Variants in PCDHGB2 observed in about 807,000 individuals in gnomAD.
The protein encoded by PCDHGB2 is protocadherin gamma subfamily B, 2.
In PCDHGB2, 55 loss-of-function variants were observed where a neutral mutation model predicts 59.3. The observed-to-expected ratio is 0.93, with a 90% CI of 0.75 to 1.16. The LOEUF (loss-of-function observed/expected upper bound fraction) is 1.16. Among genes scored for constraint, PCDHGB2 ranks in the 50% most tolerant of loss-of-function variants. The pLI is 0.00. For missense variants in PCDHGB2, 1,228 were observed against 1,198.5 expected (o/e 1.02, Z -0.36); for synonymous variants, 516 against 512.0 (o/e 1.01, Z -0.11).
In PCDHGB2 at chr5:141,361,275, A is replaced by G. The variant is rs1366836369; in HGVS notation, c.1140A>G (p.Gly380=). ...KTRDRDSGEN[G]EVYCQVLGNA... ...GAGACAGAGACTCTGGAGAAAATGGAGAAGTTTACTGCCAAGTGTTGGGAA... is the reference window on the plus strand; with the variant it reads ...GAGACAGAGACTCTGGAGAAAATGGGGAAGTTTACTGCCAAGTGTTGGGAA... Residue 380 remains glycine (G), a synonymous_variant, in exon 1 of 4, where the codon GGA becomes GGG. Coordinates refer to ENST00000522605, the MANE Select transcript of PCDHGB2 (RefSeq NM_018923.3). 3 of 1,613,976 alleles carry G rather than the reference A, an allele frequency of 1.9e-6. No individual in the cohort carries two copies. In the East Asian group the frequency reaches 6.7e-5, roughly 36 times the overall value.
At chr5:141,510,795 G>A in intron 3 of PCDHGB2, 152 bp from the exon 4 acceptor site, 6 of 1,465,214 alleles carry the variant, frequency 4.1e-6, no homozygotes, top group Non-Finnish European at 5.5e-6. Context: ...CTTGTGAAGA[G>A]AGACTACCTT....
intron 1 of PCDHGB2, among the ~76,000 whole-genome samples, chr5:141,436,290 T>C (rs2097808305): frequency 6.6e-6 from 1 of 152,164 alleles, no homozygotes; most frequent in Non-Finnish European, 1.5e-5. Flanking sequence ...GAACAAATCA[T>C]TGAGAGTTAG....
intron 1 of PCDHGB2, chr5:141,478,160 GC>G (rs764598056): frequency 1.9e-6 from 3 of 1,613,964 alleles, no homozygotes; most frequent in Non-Finnish European, 2.5e-6. Flanking sequence ...CTCTGGCTCT[GC>G]CCCCCGGGAG....
At chr5:141,405,708 C>T (rs1328051668) in intron 1 of PCDHGB2, among the ~76,000 whole-genome samples, 2 of 152,164 alleles carry the variant, frequency 1.3e-5, no homozygotes, top group African/African-American at 4.8e-5. Context: ...GAATTCCTAA[C>T]CTCAAGTGAT....
In PCDHGB2 at chr5:141,432,293, G is replaced by A; in HGVS notation, c.2422-62514G>A. On this transcript the variant is annotated intron_variant, in intron 1 of 3. Transcript: ENST00000522605. The surrounding 1 kb of genome is among the most constrained non-coding windows in gnomAD (Gnocchi z 6.0). ...CTACGTGTCCATCAACTCCGACACT[G>A]GGGTACTGTATGCGCTGAGCTCCTT... 1 of 1,614,254 alleles carries A rather than the reference G, an allele frequency of 6.2e-7. No homozygotes were observed. Among genetic ancestry groups the A allele is most frequent in the Non-Finnish European group, 8.5e-7 (1 of 1,180,040 alleles).
Position 141,485,113 on chromosome 5 carries a change from T to G in PCDHGB2, c.2422-9694T>G. On this transcript the variant is annotated intron_variant, in intron 1 of 3. Transcript: ENST00000522605. This position sits in a 1 kb window ranked among gnomAD's most constrained non-coding sequence, Gnocchi z 5.7. ...AGGTGTCTCCAGCTGCTGTGGCTGTTTGGGGCGGGTCGGCTTCATCCGCGT... is the reference window on the plus strand; with the variant it reads ...AGGTGTCTCCAGCTGCTGTGGCTGTGTGGGGCGGGTCGGCTTCATCCGCGT... 1 of 1,286,014 alleles carries G rather than the reference T, an allele frequency of 7.8e-7. No individual in the cohort carries two copies. Among genetic ancestry groups the G allele is most frequent in the Non-Finnish European group, 1.1e-6 (1 of 898,642 alleles). 79.7% of individuals were successfully genotyped at this position (1,286,014 alleles called of 1,614,324 possible). A position where few individuals can be genotyped will look rare whatever the true frequency, so the allele number is the denominator to read the frequency against.
Position 141,511,345 on chromosome 5 carries a change from TC to T in PCDHGB2, c.*179del, listed in dbSNP as rs535135679. On this transcript the variant is annotated 3_prime_UTR_variant, in exon 4 of 4. Coordinates refer to ENST00000522605, the MANE Select transcript of PCDHGB2 (RefSeq NM_018923.3). ...AAGTGCCCAGTCAGCACCTACCCCTTCCCCCCCAGGGGGTTGAATATGCAAA... is the reference window on the plus strand; with the variant it reads ...AAGTGCCCAGTCAGCACCTACCCCTTCCCCCCAGGGGGTTGAATATGCAAA... The T allele has an allele frequency of 2.2e-5, 31 of 1,410,342 alleles. No individual in the cohort carries two copies. Among genetic ancestry groups the T allele is most frequent in the South Asian group, 2.9e-5 (2 of 68,200 alleles). 87.4% of individuals were successfully genotyped at this position (1,410,342 alleles called of 1,614,324 possible). A position where few individuals can be genotyped will look rare whatever the true frequency, so the allele number is the denominator to read the frequency against.
intron 1 of PCDHGB2, chr5:141,422,319 TAC>T: frequency 6.5e-7 from 1 of 1,548,220 alleles, no homozygotes; most frequent in Admixed American, 2.1e-5. Flanking sequence ...CTCCTCCAGG[TAC>T]AGTGATTGCT....
intron 1 of PCDHGB2, chr5:141,388,157 C>T (rs750936402): frequency 1.4e-6 from 2 of 1,469,104 alleles, no homozygotes; most frequent in Non-Finnish European, 1.9e-6. Flanking sequence ...GCAGGCTAGA[C>T]AGGGAGGAGA....
intron 1 of PCDHGB2, chr5:141,409,276 G>T: frequency 6.2e-7 from 1 of 1,614,000 alleles, no homozygotes; most frequent in Non-Finnish European, 8.5e-7. Flanking sequence ...AGATTTTGGA[G>T]AATTCACCTC....
intron 1 of PCDHGB2, chr5:141,428,729 A>T (rs1362138016): frequency 6.3e-6 from 1 of 159,768 alleles, no homozygotes; most frequent in East Asian, 1.8e-4. Flanking sequence ...AATCTTAAAC[A>T]TATTATATCT....
At chr5:141,401,936 G>A (rs950687803) in intron 1 of PCDHGB2, among the ~76,000 whole-genome samples, 1 of 152,100 alleles carries the variant, frequency 6.6e-6, no homozygotes, top group African/African-American at 2.4e-5. Flanking sequence ...TTAGAATAAT[G>A]TTTAAGACCA....
intron 1 of PCDHGB2, chr5:141,419,964 T>A (rs151105903): frequency 1.2e-6 from 2 of 1,613,964 alleles, no homozygotes; most frequent in African/African-American, 2.7e-5. Context: ...ATTTCTGTGC[T>A]CTTTCTCCTC....
Position 141,400,401 on chromosome 5 carries a change from G to A in PCDHGB2, c.2421+37845G>A, listed in dbSNP as rs760681088. 4 of 1,613,936 alleles carry A rather than the reference G, an allele frequency of 2.5e-6. No homozygotes were observed. The South Asian group carries it at 4.4e-5, about 18-fold the overall frequency. ...TATGTGTTGCACATACAGGAAAGAC[G>A]GAGTTTAATTTCCTAAAATGTAGTG... On this transcript the variant is annotated intron_variant, in intron 1 of 3. Transcript: ENST00000522605.
chr5:141,428,594 G>A (rs1317075888), intron 1 of PCDHGB2: 4 of 227,916 alleles, frequency 1.8e-5, no homozygotes, highest in African/African-American at 9.1e-5. Context: ...CTGGTAGCAA[G>A]CTTCACTGAA....
Position 141,476,757 on chromosome 5 carries a change from T to C in PCDHGB2, c.2422-18050T>C. On this transcript the variant is annotated intron_variant, in intron 1 of 3. Coordinates refer to ENST00000522605, the MANE Select transcript of PCDHGB2 (RefSeq NM_018923.3). This position sits in a 1 kb window ranked among gnomAD's most constrained non-coding sequence, Gnocchi z 7.6. ...CGGGAGCCTAGTCTCCAGTTAGTGC[T>C]GACGGCGTTGGACGGAGGGACCCCA... 1.2e-6 allele frequency: 2 copies of C among 1,613,906 alleles called. No individual in the cohort carries two copies. The highest frequency in any genetic ancestry group is 1.7e-6 in the Non-Finnish European group (2 of 1,180,004).
chr5:141,374,832 G>C, intron 1 of PCDHGB2: 13 of 1,613,908 alleles, frequency 8.1e-6, no homozygotes, highest in Non-Finnish European at 1.1e-5. Context: ...TACCGTGTAA[G>C]TGTTCCTGAA....
chr5:141,439,065 C>T (rs571768018), intron 1 of PCDHGB2, among the ~76,000 whole-genome samples: 13 of 151,628 alleles, frequency 8.6e-5, no homozygotes, highest in East Asian at 7.9e-4. Flanking sequence ...GTGTGGCAGG[C>T]GCCTGTAATC....
At chr5:141,406,043 A>G (rs1346440934) in intron 1 of PCDHGB2, among the ~76,000 whole-genome samples, 3 of 150,174 alleles carry the variant, frequency 2.0e-5, no homozygotes, top group East Asian at 3.9e-4. Context: ...CATTGGTTGC[A>G]GTGGACTCAT....
Sources: gnomAD v4.1 joint callset for allele counts (sites outside exome capture counted in the v4.1 genomes callset) on GRCh38, gnomAD v4.1.1 for gene constraint, Gnocchi (gnomAD v3.1) non-coding constraint, MANE v1.5 for transcripts, NCBI Gene and HGNC (gene_info 2026-07-23, HGNC 2026-07-21) for gene names.